THADA: variants seen among roughly 807,000 people sequenced by gnomAD.
THADA encodes the protein tRNA (32-2'-O)-methyltransferase regulator THADA.
Under a neutral mutation model 219.8 loss-of-function variants are expected in THADA, and 213 were observed. That is an observed-to-expected ratio of 0.97 (90% confidence interval 0.87 to 1.09). THADA has a LOEUF of 1.09. Among genes scored for constraint, THADA ranks in the 50% least tolerant of loss-of-function variants. The probability of loss-of-function intolerance (pLI) is 0.00; values close to 1 mark genes in which losing one functional copy is unlikely to be tolerated. For synonymous variants in THADA, 1,018 were observed against 828.9 expected, an observed-to-expected ratio of 1.23 and a Z score of -3.92; for missense variants, 2,956 against 2,311.3, an observed-to-expected ratio of 1.28 and a Z score of -5.72.
chr2:43,357,478 T>C (rs181717523), intron 29 of THADA, among the ~76,000 whole-genome samples: 9 of 152,360 alleles, frequency 5.9e-5, no homozygotes, highest in Admixed American at 5.9e-4. Flanking sequence ...GCTATCAAAA[T>C]GGAAGACACG....
At chr2:43,516,703 C>G (rs866460913) in intron 22 of THADA, among the ~76,000 whole-genome samples, 3 of 152,130 alleles carry the variant, frequency 2.0e-5, no homozygotes, top group Middle Eastern at 3.2e-3. Context: ...CACCAAAGCC[C>G]TTGCCTAATA....
chr2:43,566,302 C>T (rs1463929673), intron 15 of THADA: 1 of 529,982 alleles, frequency 1.9e-6, no homozygotes, highest in African/African-American at 2.0e-5. Flanking sequence ...GTAAAGGAAA[C>T]CACATTTTAA....
chr2:43,578,643 T>C lies in THADA; in HGVS notation c.722-36A>G, dbSNP rs771184098. The stretch of plus-strand genomic sequence containing the variant: ...AAAAAGGAGAGAAGCTTGTGTTAAA[T>C]AATGAATATTCTGGTAGAGTGGAAA... On this transcript the variant is annotated intron_variant, in intron 8 of 37. Transcript: ENST00000405975. 6.8e-6 allele frequency: 10 copies of C among 1,466,134 alleles called. No individual in the cohort carries two copies. In the South Asian group the frequency reaches 9.8e-5, roughly 14 times the overall value. 90.8% of individuals were successfully genotyped at this position (1,466,134 alleles called of 1,614,324 possible).
intron 36 of THADA, among the ~76,000 whole-genome samples, chr2:43,250,379 A>G (rs1669692058): frequency 6.6e-6 from 1 of 151,926 alleles, no homozygotes; most frequent in African/African-American, 2.4e-5. Flanking sequence ...GCAGACTGGC[A>G]GTTGCCAGAG....
Position 43,552,278 on chromosome 2 carries a change from A to G in THADA, c.2736T>C (p.Leu912=). 1.2e-6 allele frequency: 2 copies of G among 1,611,140 alleles called. No homozygotes were observed. The highest frequency in any genetic ancestry group is 1.7e-6 in the Non-Finnish European group (2 of 1,179,114). ...EEVSQAENSL[L]QAAAAFPMYG... ...ACATTGGAAATGCTGCTGCTGCCTGAAGCAGAGAATTTTCAGCCTGAGATA... is the reference window on the plus strand; with the variant it reads ...ACATTGGAAATGCTGCTGCTGCCTGGAGCAGAGAATTTTCAGCCTGAGATA... Residue 912 remains leucine (L), a synonymous_variant, in exon 18 of 38, where the codon CTT becomes CTC. Transcript: ENST00000405975.
At position 43,428,116 on chromosome 2, in the gene THADA, C is replaced by T. The variant is rs762773881; in HGVS notation, c.4042G>A (p.Val1348Ile). ...TSSALSMGPF[V>I]PFIMRCGHSP... ...TGACACTACCTCATAATGAAGGGAA[C>T]AAAAGGTCCCATGCTGAGAGCAGAA... is the stretch of plus-strand genomic sequence containing the variant. The change falls in exon 28 of 38, where the codon GTT becomes ATT. Residue 1348 changes from valine (V) to isoleucine (I), a missense_variant. Transcript: ENST00000405975. The T allele has an allele frequency of 3.0e-5, 49 of 1,609,400 alleles. No homozygotes were observed. Among genetic ancestry groups the T allele is most frequent in the Middle Eastern group, 3.3e-4 (2 of 6,062 alleles).
intron 15 of THADA, chr2:43,563,956 C>A (rs1031273593): frequency 1.3e-5 from 2 of 152,208 alleles, no homozygotes; most frequent in Non-Finnish European, 2.9e-5. Flanking sequence ...TGCCCAATTA[C>A]ATGCAACTCA....
intron 26 of THADA, among the ~76,000 whole-genome samples, chr2:43,437,363 C>T (rs1680256281): frequency 6.6e-6 from 1 of 152,174 alleles, no homozygotes; most frequent in South Asian, 2.1e-4. Context: ...CTTCAAAAGA[C>T]AGCCTTTTGA....
chr2:43,558,149 C>T (rs1229832910), intron 16 of THADA, among the ~76,000 whole-genome samples: 1 of 152,026 alleles, frequency 6.6e-6, no homozygotes, highest in African/African-American at 2.4e-5. Flanking sequence ...TATAATATGA[C>T]AAAAGACCTA....
At chr2:43,484,138 C>T (rs1193602817) in intron 26 of THADA, 2 of 153,470 alleles carry the variant, frequency 1.3e-5, no homozygotes, top group African/African-American at 4.8e-5. Context: ...TGAACATGCT[C>T]AAGGGATTTA....
At chr2:43,570,173 A>T (rs566462272) in intron 14 of THADA, among the ~76,000 whole-genome samples, 2 of 152,318 alleles carry the variant, frequency 1.3e-5, no homozygotes, top group Non-Finnish European at 2.9e-5. Context: ...CACTAACGTC[A>T]TTCTGTAACA....
chr2:43,247,571 A>G (rs1023831836), intron 36 of THADA, among the ~76,000 whole-genome samples: 1 of 151,942 alleles, frequency 6.6e-6, no homozygotes, highest in Non-Finnish European at 1.5e-5. Context: ...TCTACTAAAA[A>G]TATAAAAATC....
At chr2:43,240,288 G>A (rs999745685) in intron 36 of THADA, among the ~76,000 whole-genome samples, 4 of 152,200 alleles carry the variant, frequency 2.6e-5, no homozygotes, top group South Asian at 2.1e-4. Flanking sequence ...AGCGTCTGAC[G>A]GAGTGAGTGT....
At chr2:43,578,934 C>A (rs1388376712) in intron 8 of THADA, among the ~76,000 whole-genome samples, 2 of 152,180 alleles carry the variant, frequency 1.3e-5, no homozygotes, top group East Asian at 1.9e-4. Context: ...TGGGTTCAGG[C>A]GATTCTCCTG....
rs60496612 is a variant in THADA at position 43,299,182 on chromosome 2, TA to T, written c.4439-5970del. Among the ~76,000 whole-genome samples, 143 of 147,048 alleles carry T rather than the reference TA, an allele frequency of 9.7e-4. 1 individual carries two copies. The highest frequency in any genetic ancestry group is 1.2e-3 in the East Asian group (6 of 5,118). ...ATGTCTCATTATATATGCAAATATT[TA>T]AAAAAAAAAAACCCAAACCTGAAAT... On this transcript the variant is annotated intron_variant, in intron 31 of 37. Coordinates refer to ENST00000405975, the MANE Select transcript of THADA (RefSeq NM_022065.5).
chr2:43,464,610 A>C (rs191058086), intron 26 of THADA, among the ~76,000 whole-genome samples: 1 of 152,210 alleles, frequency 6.6e-6, no homozygotes, highest in Admixed American at 6.5e-5. Flanking sequence ...CTGTCATCAC[A>C]TGAGCTACAT....
At chr2:43,488,018 A>AT (rs1332898894) in intron 25 of THADA, among the ~76,000 whole-genome samples, 1 of 152,054 alleles carries the variant, frequency 6.6e-6, no homozygotes, top group Non-Finnish European at 1.5e-5. Context: ...GAAAAACTTT[A>AT]TTTTTTTAAA....
At chr2:43,258,250 C>T (rs1443792128) in intron 36 of THADA, among the ~76,000 whole-genome samples, 5 of 152,156 alleles carry the variant, frequency 3.3e-5, no homozygotes, top group South Asian at 2.1e-4. Flanking sequence ...TGGCCAGGTG[C>T]GGTGGCTCAT....
intron 31 of THADA, among the ~76,000 whole-genome samples, chr2:43,317,132 C>T (rs906151689): frequency 1.3e-5 from 2 of 152,126 alleles, no homozygotes; most frequent in East Asian, 3.9e-4. Flanking sequence ...AATGGCAGAT[C>T]TAGGATTCAA....
Sources: gnomAD v4.1 joint callset for allele counts (sites outside exome capture counted in the v4.1 genomes callset) on GRCh38, gnomAD v4.1.1 for gene constraint, MANE v1.5 for transcripts, NCBI Gene and HGNC (gene_info 2026-07-23, HGNC 2026-07-21) for gene names.